Variants in DAPK2 observed in about 807,000 individuals in gnomAD.
The protein encoded by DAPK2 is death associated protein kinase 2.
In DAPK2, 35 loss-of-function variants were observed where a neutral mutation model predicts 44.1. The ratio of observed to expected loss-of-function variants is 0.79; its 90% confidence interval spans 0.61 to 1.05. The LOEUF (loss-of-function observed/expected upper bound fraction) is 1.05. DAPK2 is among the 50% of genes least tolerant of loss of function. The pLI, the probability that DAPK2 is intolerant of heterozygous loss-of-function variation, is 0.00. For missense variants in DAPK2, 453 were observed against 483.2 expected (o/e 0.94, Z 0.59); for synonymous variants, 174 against 182.6 (o/e 0.95, Z 0.38).
At chr15:63,943,475 C>T (rs1416353642) in intron 3 of DAPK2, among the ~76,000 whole-genome samples, 1 of 152,152 alleles carries the variant, frequency 6.6e-6, no homozygotes, top group Non-Finnish European at 1.5e-5. Flanking sequence ...TTTGTATTAT[C>T]CCTCATTAGG....
chr15:63,960,996 G>A (rs1257216874), intron 3 of DAPK2, among the ~76,000 whole-genome samples: 1 of 152,166 alleles, frequency 6.6e-6, no homozygotes, highest in East Asian at 1.9e-4. Flanking sequence ...CTCTTTGTAG[G>A]TCTCTCAGGA....
Position 63,908,618 on chromosome 15 carries a change from A to C in DAPK2, c.1033-18T>G. 1 of 1,575,586 alleles carries C rather than the reference A, an allele frequency of 6.3e-7. No individual in the cohort carries two copies. The highest frequency in any genetic ancestry group is 8.6e-7 in the Non-Finnish European group (1 of 1,163,142). ...CAGTTCCTCTGGAGAAAAAAAAGAG[A>C]AAGAGGTCCAGGGCAGGAGGATCAT... On this transcript the variant is annotated intron_variant, in intron 10 of 10. Transcript: ENST00000261891. The surrounding 1 kb of genome is among the most constrained non-coding windows in gnomAD (Gnocchi z 5.7).
intron 1 of DAPK2, among the ~76,000 whole-genome samples, chr15:63,993,705 C>A (rs907541399): frequency 1.3e-5 from 2 of 152,120 alleles, no homozygotes; most frequent in Admixed American, 1.3e-4. Flanking sequence ...GTTAGGGGTC[C>A]TGGCTCTACC....
intron 1 of DAPK2, among the ~76,000 whole-genome samples, chr15:64,014,409 G>A (rs2079467500): frequency 6.6e-6 from 1 of 152,222 alleles, no homozygotes; most frequent in East Asian, 1.9e-4. Flanking sequence ...GCTTTCCACA[G>A]GAAGAAATGA....
At chr15:63,999,175 T>C (rs998179631) in intron 1 of DAPK2, among the ~76,000 whole-genome samples, 1 of 152,178 alleles carries the variant, frequency 6.6e-6, no homozygotes, top group African/African-American at 2.4e-5. Flanking sequence ...AGTTTTCCCA[T>C]GGATCCCAGA....
At chr15:63,941,987 GAA>G (rs2077322050) in intron 3 of DAPK2, among the ~76,000 whole-genome samples, 1 of 152,196 alleles carries the variant, frequency 6.6e-6, no homozygotes. Flanking sequence ...CTCCTCCAGG[GAA>G]AAGACAGTGA....
At chr15:64,000,222 C>T (rs183569470) in intron 1 of DAPK2, among the ~76,000 whole-genome samples, 1 of 151,658 alleles carries the variant, frequency 6.6e-6, no homozygotes, top group Non-Finnish European at 1.5e-5. Flanking sequence ...CACACACAGC[C>T]CCTAGGTCTG....
chr15:64,007,669 G>A (rs2079271921), intron 1 of DAPK2, among the ~76,000 whole-genome samples: 1 of 152,152 alleles, frequency 6.6e-6, no homozygotes, highest in Non-Finnish European at 1.5e-5. Flanking sequence ...TCTGCATAAG[G>A]GACTGAGAGT....
chr15:63,922,397 T>C (rs1484270028), intron 8 of DAPK2: 3 of 1,069,958 alleles, frequency 2.8e-6, no homozygotes, highest in Non-Finnish European at 3.4e-6. Context: ...AAGTGAGATA[T>C]GAACAAATCC....
chr15:63,998,572 C>G (rs965159935), intron 1 of DAPK2, among the ~76,000 whole-genome samples: 3 of 152,190 alleles, frequency 2.0e-5, no homozygotes, highest in Admixed American at 1.3e-4. Flanking sequence ...GCCAGGCTCT[C>G]TGGCTCCCTG....
At chr15:64,021,371 C>T (rs1331303911) in intron 1 of DAPK2, among the ~76,000 whole-genome samples, 1 of 152,190 alleles carries the variant, frequency 6.6e-6, no homozygotes. Flanking sequence ...TGCCCCACCC[C>T]CTCCAGACAA....
intron 4 of DAPK2, among the ~76,000 whole-genome samples, chr15:63,933,989 T>C (rs1183273954): frequency 6.6e-6 from 1 of 152,190 alleles, no homozygotes. Context: ...ATTTCTGTCA[T>C]CAACATGCTT....
intron 1 of DAPK2, among the ~76,000 whole-genome samples, chr15:64,036,672 T>A (rs369741934): frequency 6.6e-6 from 1 of 152,054 alleles, no homozygotes; most frequent in Admixed American, 6.6e-5. Context: ...TGTAACAAAC[T>A]GTTGTTCATT....
chr15:63,934,192 C>T (rs1175386432), intron 4 of DAPK2, among the ~76,000 whole-genome samples: 1 of 147,450 alleles, frequency 6.8e-6, no homozygotes, highest in South Asian at 2.2e-4. Context: ...AACCTCAGAA[C>T]ATTAATTTTA....
intron 1 of DAPK2, among the ~76,000 whole-genome samples, chr15:64,035,465 G>A (rs572070014): frequency 3.9e-4 from 59 of 152,218 alleles, no homozygotes; most frequent in Admixed American, 1.8e-3. Flanking sequence ...GAAGCATTCC[G>A]ATTAAAGGAA....
Position 63,912,888 on chromosome 15 carries a change from C to T in DAPK2, c.859-691G>A, listed in dbSNP as rs74019093. On this transcript the variant is annotated intron_variant, in intron 8 of 10. Coordinates refer to ENST00000261891, the Ensembl canonical transcript of DAPK2. This position sits in a 1 kb window ranked among gnomAD's most constrained non-coding sequence, Gnocchi z 4.4. ...TAATAAGTTATTGTGAGCTTTCCTGCGTTCTCCATTCCCTTTTCAACACCC... is the reference window on the plus strand; with the variant it reads ...TAATAAGTTATTGTGAGCTTTCCTGTGTTCTCCATTCCCTTTTCAACACCC... 2.0e-5 allele frequency among the ~76,000 whole-genome samples: 3 copies of T among 152,140 alleles called. No individual in the cohort carries two copies. The highest frequency in any genetic ancestry group is 2.9e-5 in the Non-Finnish European group (2 of 68,016).
intron 3 of DAPK2, 75 bp downstream of exon 4, chr15:63,971,348 C>T (rs2078206281): frequency 1.9e-6 from 3 of 1,568,050 alleles, no homozygotes; most frequent in Non-Finnish European, 2.6e-6. Context: ...CTGGGCCCAT[C>T]CTGGGAAAGA....
At chr15:63,972,488 G>A (rs1027867415) in intron 2 of DAPK2, among the ~76,000 whole-genome samples, 2 of 152,210 alleles carry the variant, frequency 1.3e-5, no homozygotes, top group African/African-American at 4.8e-5. Flanking sequence ...AATACAGATG[G>A]AAAGGCCATT....
intron 1 of DAPK2, among the ~76,000 whole-genome samples, chr15:64,000,183 TACTACAC>T (rs779199157): frequency 1.0e-4 from 12 of 115,874 alleles, no homozygotes; most frequent in South Asian, 8.2e-4. Context: ...CTACTACTAC[TACTACAC>T]ACACACACAC....
Sources: gnomAD v4.1 joint callset for allele counts (sites outside exome capture counted in the v4.1 genomes callset) on GRCh38, gnomAD v4.1.1 for gene constraint, Gnocchi (gnomAD v3.1) non-coding constraint, MANE v1.5 for transcripts, NCBI Gene and HGNC (gene_info 2026-07-23, HGNC 2026-07-21) for gene names.